ECRG4: variants seen among roughly 807,000 people sequenced by gnomAD.
The protein encoded by ECRG4 is ECRG4 augurin precursor, also known as augurin.
ECRG4 carries 18 observed loss-of-function variants against 15.8 expected under a neutral mutation model. The ratio of observed to expected loss-of-function variants is 1.14; its 90% CI spans 0.79 to 1.69. The LOEUF (loss-of-function observed/expected upper bound fraction) is 1.69, where lower values mean the gene tolerates loss of function less well. Among genes scored for constraint, ECRG4 ranks in the 40% most tolerant of loss-of-function variants. ECRG4 has a pLI of 0.00. For missense variants in ECRG4, 200 were observed against 190.9 expected (o/e 1.05, Z -0.28); for synonymous variants, 82 against 73.9 (o/e 1.11, Z -0.56).
chr2:106,075,993 C>T (rs1676480122), intron 3 of ECRG4, among the ~76,000 whole-genome samples: 1 of 152,116 alleles, frequency 6.6e-6, no homozygotes, highest in Non-Finnish European at 1.5e-5. Flanking sequence ...TTTGAAAATA[C>T]ATATTTAAGC....
At chr2:106,067,881 C>CA (rs377049219) in intron 1 of ECRG4, among the ~76,000 whole-genome samples, 340 of 151,414 alleles carry the variant, frequency 2.2e-3, no homozygotes, top group African/African-American at 7.7e-3. Flanking sequence ...GTTGCCTAGG[C>CA]AGGAGTGCAG....
At chr2:106,067,909 A>G (rs916013379) in intron 1 of ECRG4, among the ~76,000 whole-genome samples, 1 of 150,002 alleles carries the variant, frequency 6.7e-6, no homozygotes, top group Admixed American at 6.7e-5. Context: ...ATCATAGCTC[A>G]CTGCAGCCTT....
chr2:106,074,176 C>T (rs556726301), intron 3 of ECRG4, 133 bp downstream of exon 3: 2 of 1,000,086 alleles, frequency 2.0e-6, no homozygotes, highest in Non-Finnish European at 3.0e-6. Context: ...CCATCATATG[C>T]CAAGTGCTAT....
upstream of ECRG4, among the ~76,000 whole-genome samples, chr2:106,064,693 A>C (rs1315971665): frequency 6.6e-6 from 1 of 152,162 alleles, no homozygotes; most frequent in Admixed American, 6.5e-5. Context: ...GGGGAAAATA[A>C]GTGAGAACCT....
At chr2:106,064,604 G>A (rs1025410410), upstream of ECRG4, among the ~76,000 whole-genome samples, 6 of 152,308 alleles carry the variant, frequency 3.9e-5, no homozygotes, top group South Asian at 2.1e-4. Flanking sequence ...CTTGAACCCC[G>A]GAGTTGGAGG....
chr2:106,068,471 T>C (rs1269155684), intron 1 of ECRG4, among the ~76,000 whole-genome samples: 2 of 152,200 alleles, frequency 1.3e-5, no homozygotes, highest in Non-Finnish European at 2.9e-5. Context: ...AGCAGCAACA[T>C]TCATAATTCA....
chr2:106,075,139 C>T (rs1026261871), intron 3 of ECRG4, among the ~76,000 whole-genome samples: 31 of 152,092 alleles, frequency 2.0e-4, no homozygotes, highest in African/African-American at 7.2e-4. Context: ...AAGGCAGGTG[C>T]TGTTATTTGC....
chr2:106,065,892 C>T (rs1256905955), intron 1 of ECRG4, 49 bp downstream of exon 1: 6 of 1,426,290 alleles, frequency 4.2e-6, no homozygotes, highest in Non-Finnish European at 5.5e-6. Flanking sequence ...AGGGGTTGGC[C>T]CCATGTGGCG....
intron 3 of ECRG4, among the ~76,000 whole-genome samples, chr2:106,076,248 G>T (rs541085148): frequency 2.0e-5 from 3 of 152,148 alleles, no homozygotes; most frequent in Non-Finnish European, 4.4e-5. Flanking sequence ...AACCTGGTGG[G>T]GGGTGGAGCT....
rs150617664 is a variant in ECRG4 at position 106,077,827 on chromosome 2, C to A, written c.348C>A (p.Gly116=). ...NRDRNGHEYY[G]DYYQRHYDED... is the part of the protein sequence containing the mutation. The stretch of plus-strand genomic sequence containing the variant: ...ATCGAAATGGACATGAATACTATGG[C>A]GATTACTACCAACGTCACTATGATG... The change falls in exon 4 of 4, where the codon GGC becomes GGA. Residue 116 remains glycine, a synonymous_variant. Coordinates refer to ENST00000238044, the MANE Select transcript of ECRG4 (RefSeq NM_032411.3). 13 of 1,614,038 alleles carry A rather than the reference C, an allele frequency of 8.1e-6. No individual in the cohort carries two copies. The highest frequency in any genetic ancestry group is 6.7e-5 in the East Asian group (3 of 44,860).
At chr2:106,077,271 C>T (rs1302733783) in intron 3 of ECRG4, among the ~76,000 whole-genome samples, 1 of 152,170 alleles carries the variant, frequency 6.6e-6, no homozygotes, top group African/African-American at 2.4e-5. Flanking sequence ...ATCAAATGTA[C>T]CCCCAGTTCT....
intron 2 of ECRG4, among the ~76,000 whole-genome samples, chr2:106,072,580 C>T (rs577492107): frequency 1.3e-5 from 2 of 152,348 alleles, no homozygotes; most frequent in African/African-American, 4.8e-5. Context: ...TTCTTTCCCT[C>T]CTAGTTTGTG....
chr2:106,068,199 A>G (rs1007332365), intron 1 of ECRG4, among the ~76,000 whole-genome samples: 2 of 152,116 alleles, frequency 1.3e-5, no homozygotes, highest in Admixed American at 6.5e-5. Flanking sequence ...TGATCAATTT[A>G]TTAATATTAA....
intron 3 of ECRG4, 93 bp downstream of exon 3, chr2:106,074,136 G>A: frequency 6.8e-7 from 1 of 1,476,598 alleles, no homozygotes; most frequent in South Asian, 1.2e-5. Context: ...AGAAAATTCA[G>A]CTTTGCTGTT....
At chr2:106,069,207 ATTTTC>A (rs371234107) in intron 1 of ECRG4, among the ~76,000 whole-genome samples, 2,737 of 98,604 alleles carry the variant, frequency 0.028, 65 homozygotes, top group African/African-American at 0.096. Flanking sequence ...TTTCTTTTTT[ATTTTC>A]TTTTCTTTCT....
chr2:106,075,567 C>CA (rs1676468007), intron 3 of ECRG4, among the ~76,000 whole-genome samples: 1 of 152,006 alleles, frequency 6.6e-6, no homozygotes, highest in Non-Finnish European at 1.5e-5. Flanking sequence ...ACTAAAAATA[C>CA]AAAAAATTAG....
upstream of ECRG4, among the ~76,000 whole-genome samples, chr2:106,065,313 G>C (rs1349294565): frequency 1.4e-5 from 2 of 145,654 alleles, no homozygotes; most frequent in African/African-American, 5.2e-5. Context: ...AAGTGGGGGA[G>C]CCAAGGAGAC....
At chr2:106,074,068 C>G in intron 3 of ECRG4, 25 bp downstream of exon 3, 2 of 1,607,800 alleles carry the variant, frequency 1.2e-6, no homozygotes, top group Non-Finnish European at 1.7e-6. Context: ...CGGCTGCAGG[C>G]CTGGCTTCCA....
chr2:106,078,029 A>C lies in ECRG4; in HGVS notation c.*103A>C. The C allele has an allele frequency of 9.0e-7, 1 of 1,112,806 alleles. No individual in the cohort carries two copies. The highest frequency in any genetic ancestry group is 1.2e-6 in the Non-Finnish European group (1 of 809,864). 68.9% of individuals were successfully genotyped at this position (1,112,806 alleles called of 1,614,324 possible). A position where few individuals can be genotyped will look rare whatever the true frequency, so the allele number is the denominator to read the frequency against. ...TTTCTGATTTGCTCTATTTCAGCAGATCTTTTCTACCTACTTTGTGTGATC... is the reference window on the plus strand; with the variant it reads ...TTTCTGATTTGCTCTATTTCAGCAGCTCTTTTCTACCTACTTTGTGTGATC... On this transcript the variant is annotated 3_prime_UTR_variant, in exon 4 of 4. Transcript: ENST00000238044.
Sources: allele counts gnomAD v4.1 joint callset (sites outside exome capture counted in the v4.1 genomes callset), GRCh38; gene constraint gnomAD v4.1.1; transcripts MANE v1.5; gene names NCBI Gene and HGNC (gene_info 2026-07-23, HGNC 2026-07-21).